The following SDK2 variants were observed in gnomAD, a reference collection of about 807,000 sequenced individuals.
The protein encoded by SDK2 is sidekick cell adhesion molecule 2, also known as protein sidekick-2.
Under a neutral mutation model 253.9 loss-of-function variants are expected in SDK2, and 105 were observed. The observed-to-expected ratio is 0.41, with a 90% confidence interval of 0.35 to 0.49. The LOEUF is 0.49. Among genes scored for constraint, SDK2 ranks in the 20% least tolerant of loss-of-function variants. SDK2 has a pLI of 0.06. For synonymous variants in SDK2, 1,249 were observed against 1,234.9 expected (o/e 1.01, Z -0.24); for missense variants, 2,608 against 3,003.0 (o/e 0.87, Z 3.07).
chr17:73,380,963 G>T lies in SDK2; in HGVS notation c.4706-13C>A. On this transcript the variant is annotated splice_polypyrimidine_tract_variant and intron_variant, in intron 33 of 44. Transcript: ENST00000392650. Reference sequence around the variant, plus strand: ...ATGGAGTACATGGCTATGGGGTGGGGGTGCCGGGGCGGGGGCGCAGAGGGA... The same window carrying T: ...ATGGAGTACATGGCTATGGGGTGGGTGTGCCGGGGCGGGGGCGCAGAGGGA... The T allele has an allele frequency of 6.6e-7, 1 of 1,512,680 alleles. No homozygotes were observed. The highest frequency in any genetic ancestry group is 9.0e-7 in the Non-Finnish European group (1 of 1,110,440). 93.7% of individuals were successfully genotyped at this position (1,512,680 alleles called of 1,614,324 possible). A position where few individuals can be genotyped will look rare whatever the true frequency, so the allele number is the denominator to read the frequency against.
chr17:73,393,841 G>T, intron 26 of SDK2, 92 bp from the exon 27 acceptor site: 1 of 1,010,612 alleles, frequency 9.9e-7, no homozygotes, highest in Non-Finnish European at 1.4e-6. Context: ...GAGCAGCTGT[G>T]TGTCACACAT....
At position 73,391,480 on chromosome 17, in the gene SDK2, C is replaced by A; in HGVS notation, c.3957G>T (p.Leu1319=). 1 of 1,310,354 alleles carries A rather than the reference C, an allele frequency of 7.6e-7. No individual in the cohort carries two copies. 81.2% of individuals were successfully genotyped at this position (1,310,354 alleles called of 1,614,324 possible). Residue 1319 remains leucine (L), a synonymous_variant, in exon 28 of 45, where the codon CTG becomes CTT. Transcript: ENST00000392650. ...TGGGGGCGGCAGGGGGCTGCCAGAT[C>A]AGCCGCACAGACGTGGTCCGCACCT... is the stretch of plus-strand genomic sequence containing the variant. ...FPEVRTTSVR[L]IWQPPAAPNG...
At chr17:73,505,649 A>G (rs532413183) in intron 2 of SDK2, among the ~76,000 whole-genome samples, 2 of 149,478 alleles carry the variant, frequency 1.3e-5, no homozygotes, top group African/African-American at 2.5e-5. Context: ...CATCATCATC[A>G]TCAATAGCTG....
At chr17:73,373,468 C>T (rs991106258) in intron 36 of SDK2, among the ~76,000 whole-genome samples, 18 of 152,284 alleles carry the variant, frequency 1.2e-4, no homozygotes, top group African/African-American at 2.9e-4. Context: ...TACTGATATA[C>T]GTTCCCACCA....
chr17:73,537,003 C>T (rs1465519687), intron 1 of SDK2, among the ~76,000 whole-genome samples: 1 of 152,126 alleles, frequency 6.6e-6, no homozygotes. Flanking sequence ...GGAGTGAGAT[C>T]TGGGGTGCAG....
intron 9 of SDK2, among the ~76,000 whole-genome samples, chr17:73,434,921 T>G (rs1843380103): frequency 6.6e-6 from 1 of 151,760 alleles, no homozygotes; most frequent in African/African-American, 2.4e-5. Flanking sequence ...TGAGCCACTG[T>G]GCCCGGCCCA....
intron 2 of SDK2, among the ~76,000 whole-genome samples, chr17:73,503,502 A>G (rs2063906306): frequency 6.6e-6 from 1 of 152,174 alleles, no homozygotes; most frequent in Non-Finnish European, 1.5e-5. Flanking sequence ...AATGAGCAAA[A>G]TGTTAGCAAT....
At position 73,541,872 on chromosome 17, in the gene SDK2, C is replaced by T. The variant is rs2044874256; in HGVS notation, c.65-34275G>A. 6.6e-6 allele frequency among the ~76,000 whole-genome samples: 1 copy of T among 152,186 alleles called. No homozygotes were observed. Among genetic ancestry groups the T allele is most frequent in the African/African-American group, 2.4e-5 (1 of 41,448 alleles). On this transcript the variant is annotated intron_variant, in intron 1 of 44. Coordinates refer to ENST00000392650, the MANE Select transcript of SDK2 (RefSeq NM_001144952.2). This position sits in a 1 kb window ranked among gnomAD's most constrained non-coding sequence, Gnocchi z 4.3. ...AATCGGGCTCATGGTTTGGTGGAAA[C>T]CACCTAGGCTGGGATGCAAGTCCAG...
At chr17:73,505,410 G>T (rs2063926869) in intron 2 of SDK2, among the ~76,000 whole-genome samples, 1 of 152,210 alleles carries the variant, frequency 6.6e-6, no homozygotes, top group Non-Finnish European at 1.5e-5. Flanking sequence ...ATCGCAGAGG[G>T]ACATCACAAT....
intron 1 of SDK2, among the ~76,000 whole-genome samples, chr17:73,579,006 CT>C (rs2045496340): frequency 6.6e-6 from 1 of 152,150 alleles, no homozygotes; most frequent in African/African-American, 2.4e-5. Flanking sequence ...AGGGGCACCC[CT>C]TGTCGGCCGG....
Position 73,383,423 on chromosome 17 carries a change from C to T in SDK2, c.4705+453G>A, listed in dbSNP as rs1475852639. Among the ~76,000 whole-genome samples, 1 of 152,188 alleles carries T rather than the reference C, an allele frequency of 6.6e-6. No homozygotes were observed. Among genetic ancestry groups the T allele is most frequent in the Non-Finnish European group, 1.5e-5 (1 of 68,036 alleles). ...AGGACTACTGCTCTAGGGGTGTGACCAGGTGAGGCTTCTGGTCCCTCAAGG... is the reference window on the plus strand; with the variant it reads ...AGGACTACTGCTCTAGGGGTGTGACTAGGTGAGGCTTCTGGTCCCTCAAGG... On this transcript the variant is annotated intron_variant, in intron 33 of 44. Coordinates refer to ENST00000392650, the MANE Select transcript of SDK2 (RefSeq NM_001144952.2). The surrounding 1 kb of genome is among the most constrained non-coding windows in gnomAD (Gnocchi z 4.3).
intron 1 of SDK2, among the ~76,000 whole-genome samples, chr17:73,551,517 G>A (rs1042673959): frequency 1.6e-4 from 25 of 152,192 alleles, no homozygotes; most frequent in Non-Finnish European, 1.6e-4. Context: ...TGGTGTCAGG[G>A]GTGACTTGGA....
rs1045392000 is a variant in SDK2, at chr17:73,339,475, C to T, written c.6166-535G>A. Among the ~76,000 whole-genome samples, 10 of 151,906 alleles carry T rather than the reference C, an allele frequency of 6.6e-5. No homozygotes were observed. In the South Asian group the frequency reaches 1.0e-3, roughly 16 times the overall value. On this transcript the variant is annotated intron_variant, in intron 44 of 44. Transcript: ENST00000392650. ...GACCTCAAGTGATCCACCCGCTTCA[C>T]CCTCCCAAAGTACTGGGATTACAGG...
At chr17:73,370,544 T>C (rs1248993507) in intron 36 of SDK2, among the ~76,000 whole-genome samples, 2 of 147,536 alleles carry the variant, frequency 1.4e-5, no homozygotes, top group Non-Finnish European at 2.9e-5. Flanking sequence ...TGCCCGGCCC[T>C]CTCTCCCATT....
At chr17:73,366,848 C>T (rs1320051838) in intron 37 of SDK2, among the ~76,000 whole-genome samples, 3 of 152,086 alleles carry the variant, frequency 2.0e-5, no homozygotes, top group Non-Finnish European at 4.4e-5. Flanking sequence ...TCTGCACCCG[C>T]CACCCTTCAG....
intron 2 of SDK2, among the ~76,000 whole-genome samples, chr17:73,495,626 GTGTGTGTGTGTGTGTGTGTT>G (rs1437641345): frequency 6.6e-6 from 1 of 151,372 alleles, no homozygotes; most frequent in African/African-American, 2.4e-5. Context: ...CCCCGTGTGT[GTGTGTGTGTGTGTGTGTGTT>G]TGTTTGTGTA....
rs1599461382 is a variant in SDK2, at chr17:73,338,536, T to G, written c.*51A>C. The G allele has an allele frequency of 1.8e-6, 2 of 1,089,404 alleles. No individual in the cohort carries two copies. Among genetic ancestry groups the G allele is most frequent in the Non-Finnish European group, 1.3e-6 (1 of 762,834 alleles). 67.5% of individuals were successfully genotyped at this position (1,089,404 alleles called of 1,614,324 possible). A position where few individuals can be genotyped will look rare whatever the true frequency, so the allele number is the denominator to read the frequency against. ...TTCTGGCAGGCAGTGAGAGGAGGGG[T>G]GAAGGAGGAGTTTGGTGCCATTTCT... On this transcript the variant is annotated 3_prime_UTR_variant, in exon 45 of 45. Transcript: ENST00000392650. The surrounding 1 kb of genome is among the most constrained non-coding windows in gnomAD (Gnocchi z 5.0).
chr17:73,575,767 G>A (rs2045450168), intron 1 of SDK2, among the ~76,000 whole-genome samples: 1 of 152,228 alleles, frequency 6.6e-6, no homozygotes, highest in Non-Finnish European at 1.5e-5. Flanking sequence ...CTTAGCGTGG[G>A]AGACAGAGCA....
chr17:73,485,165 G>C (rs2063761872), intron 2 of SDK2, among the ~76,000 whole-genome samples: 1 of 152,196 alleles, frequency 6.6e-6, no homozygotes, highest in Admixed American at 6.5e-5. Context: ...GGGTGACTTA[G>C]AGATGGGCGG....
Sources: allele counts gnomAD v4.1 joint callset (sites outside exome capture counted in the v4.1 genomes callset), GRCh38; gene constraint gnomAD v4.1.1; non-coding constraint Gnocchi (gnomAD v3.1); transcripts MANE v1.5; gene names NCBI Gene and HGNC (gene_info 2026-07-23, HGNC 2026-07-21).